The following DEFB110 variants were observed in gnomAD, a reference collection of about 807,000 sequenced individuals.
DEFB110 encodes the protein beta-defensin 110.
DEFB110 carries 4 observed loss-of-function variants against 2.5 expected under a neutral mutation model. The ratio of observed to expected loss-of-function variants is 1.60; its 90% CI spans 0.79 to 3.66. The LOEUF is 3.66. DEFB110 is among the 30% of genes most tolerant of loss of function. The pLI is 0.01. For missense variants in DEFB110, 94 were observed against 75.4 expected (o/e 1.25, Z -0.91); for synonymous variants, 29 against 21.8 (o/e 1.33, Z -0.92).
At chr6:50,015,339 A>G (rs1774298919), downstream of DEFB110, among the ~76,000 whole-genome samples, 1 of 151,762 alleles carries the variant, frequency 6.6e-6, no homozygotes, top group African/African-American at 2.4e-5. Flanking sequence ...CCTGGCTAAA[A>G]CCCTTTGAAT....
chr6:50,012,767 C>T (rs912161604), intron 1 of DEFB110, among the ~76,000 whole-genome samples: 2 of 151,846 alleles, frequency 1.3e-5, no homozygotes, highest in African/African-American at 2.4e-5. Context: ...ATACAACACA[C>T]ATTTAGTTAG....
downstream of DEFB110, among the ~76,000 whole-genome samples, chr6:50,014,513 CTT>C (rs1774283325): frequency 6.6e-6 from 1 of 151,636 alleles, no homozygotes; most frequent in Non-Finnish European, 1.5e-5. Context: ...AGAATTTTGA[CTT>C]ACAAAATGGC....
chr6:50,013,895 G>A (rs1339303815), downstream of DEFB110, among the ~76,000 whole-genome samples: 2 of 151,826 alleles, frequency 1.3e-5, no homozygotes, highest in South Asian at 2.1e-4. Flanking sequence ...TAGCCCTTGC[G>A]AGTAATATGA....
At chr6:50,016,912 C>T (rs1037355428), downstream of DEFB110, among the ~76,000 whole-genome samples, 2 of 151,466 alleles carry the variant, frequency 1.3e-5, no homozygotes, top group Admixed American at 6.6e-5. Context: ...ACAGGGTACA[C>T]CAGGAGTTTT....
intron 1 of DEFB110, among the ~76,000 whole-genome samples, chr6:50,019,509 A>G (rs1774381208): frequency 6.6e-6 from 1 of 151,982 alleles, no homozygotes; most frequent in African/African-American, 2.4e-5. Flanking sequence ...TGCTTTATGA[A>G]TTCTTCTTCA....
intron 1 of DEFB110, among the ~76,000 whole-genome samples, chr6:50,021,000 T>G (rs1409252672): frequency 6.6e-6 from 1 of 152,178 alleles, no homozygotes; most frequent in Non-Finnish European, 1.5e-5. Context: ...ATTCATTCTT[T>G]GTCTTATTTC....
At chr6:50,017,936 C>T (rs9349512), downstream of DEFB110, among the ~76,000 whole-genome samples, 1 of 151,770 alleles carries the variant, frequency 6.6e-6, no homozygotes, top group Admixed American at 6.6e-5. Context: ...GTTAATTTCC[C>T]AAAATATTGG....
At chr6:50,019,699 A>G (rs1243886344) in intron 1 of DEFB110, among the ~76,000 whole-genome samples, 1 of 152,122 alleles carries the variant, frequency 6.6e-6, no homozygotes, top group Non-Finnish European at 1.5e-5. Context: ...AAGTGGAGCC[A>G]TTGTTAACCA....
exon 2 of DEFB110, chr6:50,009,261 A>G: frequency 1.3e-6 from 2 of 1,595,956 alleles, no homozygotes; most frequent in Non-Finnish European, 1.7e-6. Context: ...TTGGTTCAAA[A>G]TTGCTTCTGG....
chr6:50,012,694 C>T (rs1774247944), intron 1 of DEFB110, among the ~76,000 whole-genome samples: 1 of 151,812 alleles, frequency 6.6e-6, no homozygotes, highest in Non-Finnish European at 1.5e-5. Flanking sequence ...ATAACCTTTT[C>T]TTAATTTACA....
intron 1 of DEFB110, 22 bp downstream of exon 1, chr6:50,021,849 AGTATAAATCC>A: frequency 6.5e-7 from 1 of 1,533,616 alleles, no homozygotes; most frequent in Non-Finnish European, 8.7e-7. Context: ...CAAATTTGTT[AGTATAAATCC>A]CCACAAATAT....
At chr6:50,015,000 C>T (rs1774292913), downstream of DEFB110, among the ~76,000 whole-genome samples, 1 of 151,850 alleles carries the variant, frequency 6.6e-6, no homozygotes, top group Non-Finnish European at 1.5e-5. Flanking sequence ...ACAAACTCTA[C>T]ATGTCCAAAA....
intron 1 of DEFB110, among the ~76,000 whole-genome samples, chr6:50,020,035 C>T (rs561767003): frequency 2.2e-4 from 33 of 152,130 alleles, no homozygotes; most frequent in African/African-American, 7.9e-4. Flanking sequence ...GTGTTAACTC[C>T]TACTCTGGCT....
At position 50,018,873 on chromosome 6, in the gene DEFB110, TC is replaced by T; in HGVS notation, c.*103del. 1 of 1,449,290 alleles carries T rather than the reference TC, an allele frequency of 6.9e-7. No individual in the cohort carries two copies. The highest frequency in any genetic ancestry group is 2.8e-5 in the Admixed American group (1 of 35,116). The allele number at this position is 1,449,290 out of a possible 1,614,324, so 89.8% of individuals were successfully genotyped here. ...GGTTCAACATTAATTTTTATTTAGT[TC>T]TTGTGTATTATAGAGACACACACGC... On this transcript the variant is annotated 3_prime_UTR_variant, in exon 2 of 2. Transcript: ENST00000371148.
At chr6:50,013,799 G>A (rs1774270426) in intron 1 of DEFB110, among the ~76,000 whole-genome samples, 1 of 151,790 alleles carries the variant, frequency 6.6e-6, no homozygotes, top group Non-Finnish European at 1.5e-5. Flanking sequence ...TTCTAAGACT[G>A]CGTGACTGAT....
At chr6:50,021,693 CT>C (rs1774420286) in intron 1 of DEFB110, among the ~76,000 whole-genome samples, 187 bp downstream of exon 1, 1 of 152,104 alleles carries the variant, frequency 6.6e-6, no homozygotes, top group African/African-American at 2.4e-5. Flanking sequence ...AGTTTTCATA[CT>C]TGTTATTTTT....
chr6:50,019,225 A>G (rs1774375135), intron 1 of DEFB110, 100 bp from the exon 2 acceptor site: 1 of 1,245,436 alleles, frequency 8.0e-7, no homozygotes, highest in Non-Finnish European at 1.1e-6. Flanking sequence ...TAGAGTGAAA[A>G]TGTCCACCTA....
intron 1 of DEFB110, among the ~76,000 whole-genome samples, chr6:50,009,467 C>T (rs1434421151): frequency 1.3e-5 from 2 of 152,130 alleles, no homozygotes; most frequent in Admixed American, 1.3e-4. Flanking sequence ...TATACTTGTA[C>T]AAAATGTCTA....
downstream of DEFB110, among the ~76,000 whole-genome samples, chr6:50,017,354 T>C (rs963490783): frequency 6.6e-6 from 1 of 151,880 alleles, no homozygotes; most frequent in Non-Finnish European, 1.5e-5. Flanking sequence ...TTTTCATTTT[T>C]AAATTTTTGT....
Sources: gnomAD v4.1 joint callset for allele counts (sites outside exome capture counted in the v4.1 genomes callset) on GRCh38, gnomAD v4.1.1 for gene constraint, MANE v1.5 for transcripts, NCBI Gene and HGNC (gene_info 2026-07-23, HGNC 2026-07-21) for gene names.